ATRX: variants seen among roughly 807,000 people sequenced by gnomAD.
The protein encoded by ATRX is chromatin remodeler ATRX.
In ATRX, 12 loss-of-function variants were observed where a neutral mutation model predicts 172.6. The observed-to-expected ratio is 0.07, with a 90% CI of 0.04 to 0.11. ATRX has a LOEUF of 0.11. Among genes scored for constraint, ATRX ranks in the 10% least tolerant of loss-of-function variants. ATRX has a pLI of 1.00. For synonymous variants in ATRX, 674 were observed against 594.7 expected (o/e 1.13, Z -1.94); for missense variants, 1,368 against 1,767.4 (o/e 0.77, Z 4.05).
At chrX:77,701,609 C>T (rs1275388233) in intron 2 of ATRX, among the ~76,000 whole-genome samples, 1 of 110,742 alleles carries the variant, frequency 9.0e-6, no homozygotes, top group Non-Finnish European at 1.9e-5. Context: ...TACTTAATGG[C>T]GACAGACTGA....
At position 77,786,149 on chromosome X, in the gene ATRX, A is replaced by G. The variant is rs1252611588; in HGVS notation, c.-148T>C. The G allele has an allele frequency of 4.3e-5, 27 of 633,771 alleles. No homozygotes were observed. The highest frequency in any genetic ancestry group is 5.6e-5 in the Non-Finnish European group (24 of 431,578). 52.2% of individuals were successfully genotyped at this position (633,771 alleles called of 1,213,427 possible). A position where few individuals can be genotyped will look rare whatever the true frequency, so the allele number is the denominator to read the frequency against. On this transcript the variant is annotated 5_prime_UTR_variant, in exon 1 of 35. Transcript: ENST00000373344. Reference sequence around the variant, plus strand: ...TCCCCACAGCTCAAAGGCCGCTACCACTGCCACCGCCGCAGGAGCCGCGGA... The same window carrying G: ...TCCCCACAGCTCAAAGGCCGCTACCGCTGCCACCGCCGCAGGAGCCGCGGA...
Position 77,633,583 on chromosome X carries a change from C to G in ATRX, c.4939G>C (p.Asp1647His). 1 of 1,209,120 alleles carries G rather than the reference C, an allele frequency of 8.3e-7. No homozygotes were observed. The highest frequency in any genetic ancestry group is 1.1e-6 in the Non-Finnish European group (1 of 893,943). Reference sequence around the variant, plus strand: ...TAAGTTACCTCAAGCTTCTCATCATCTTTTAATCCCTCTTGCCACTTCTCA... The same window carrying G: ...TAAGTTACCTCAAGCTTCTCATCATGTTTTAATCCCTCTTGCCACTTCTCA... ...EFEKWQEGLK[D>H]DEKLEVSELA... Residue 1647 changes from aspartate (D) to histidine (H), a missense_variant, in exon 18 of 35, where the codon GAT becomes CAT. Asp to His is a moderately conservative substitution (Grantham distance 81). Coordinates refer to ENST00000373344, the MANE Select transcript of ATRX (RefSeq NM_000489.6).
rs782374354 is a variant in ATRX at position 77,667,565 on chromosome X, GGTT to G, written c.3810-2790_3810-2788del. Among the ~76,000 whole-genome samples the G allele has an allele frequency of 3.5e-3, 386 of 110,951 alleles. 3 individuals carry two copies. Among genetic ancestry groups the G allele is most frequent in the African/African-American group, 0.012 (365 of 30,516 alleles). On this transcript the variant is annotated intron_variant, in intron 10 of 34. Coordinates refer to ENST00000373344, the MANE Select transcript of ATRX (RefSeq NM_000489.6). ...AAATTCCTATTAACTATAAAGATTT[GGTT>G]GTTAATTGTAGGAAATCACACAATT...
intron 1 of ATRX, among the ~76,000 whole-genome samples, chrX:77,733,842 C>A (rs2074411811): frequency 9.3e-6 from 1 of 107,554 alleles, no homozygotes; most frequent in Non-Finnish European, 1.9e-5. Flanking sequence ...GGAGATAGCA[C>A]CACTGCACTC....
chrX:77,703,300 A>G (rs1183237796), intron 2 of ATRX, among the ~76,000 whole-genome samples: 6 of 112,772 alleles, frequency 5.3e-5, no homozygotes, highest in African/African-American at 1.9e-4. Context: ...CCTGTGTCCT[A>G]TGATAGCCAA....
chrX:77,652,373 A>C lies in ATRX; in HGVS notation c.4318-20T>G, dbSNP rs1557117496. ...ATTACTCTACAGAATTTAAACAATTAGAGGTAAACAGTACAAAGTCATTTA... is the reference window on the plus strand; with the variant it reads ...ATTACTCTACAGAATTTAAACAATTCGAGGTAAACAGTACAAAGTCATTTA... On this transcript the variant is annotated intron_variant, in intron 14 of 34. Transcript: ENST00000373344. 2 of 1,190,091 alleles carry C rather than the reference A, an allele frequency of 1.7e-6. No homozygotes were observed. Among genetic ancestry groups the C allele is most frequent in the Admixed American group, 4.4e-5 (2 of 45,118 alleles).
intron 1 of ATRX, among the ~76,000 whole-genome samples, chrX:77,765,361 G>C (rs1283483280): frequency 1.8e-5 from 2 of 112,246 alleles, no homozygotes; most frequent in African/African-American, 6.5e-5. Context: ...AGCAATAGAA[G>C]TGTAGCTAAT....
chrX:77,690,533 A>C (rs1557146540), intron 6 of ATRX, among the ~76,000 whole-genome samples: 1 of 111,516 alleles, frequency 9.0e-6, no homozygotes, highest in African/African-American at 3.3e-5. Context: ...GCACAATTAT[A>C]AATCACTGTA....
At chrX:77,742,883 T>C (rs2074931947) in intron 1 of ATRX, among the ~76,000 whole-genome samples, 1 of 111,802 alleles carries the variant, frequency 8.9e-6, no homozygotes, top group African/African-American at 3.3e-5. Context: ...ACATTCTGTG[T>C]CCCATGCCAT....
chrX:77,764,204 T>C (rs149974062), intron 1 of ATRX, among the ~76,000 whole-genome samples: 3,108 of 112,260 alleles, frequency 0.028, 110 homozygotes, highest in African/African-American at 0.096. Flanking sequence ...TTTCAATTTT[T>C]TATATTAAAG....
chrX:77,785,931 C>T (rs1557207516), intron 1 of ATRX, 51 bp downstream of exon 1: 1 of 1,164,315 alleles, frequency 8.6e-7, no homozygotes, highest in East Asian at 3.2e-5. Context: ...CCGACTCAGA[C>T]GGTGCCTGGG....
intron 34 of ATRX, among the ~76,000 whole-genome samples, chrX:77,515,446 T>C (rs1557038756): frequency 9.0e-6 from 1 of 110,744 alleles, no homozygotes; most frequent in Non-Finnish European, 1.9e-5. Context: ...TCCACGTGTG[T>C]AAAGGTGTAT....
intron 1 of ATRX, among the ~76,000 whole-genome samples, chrX:77,744,414 T>C (rs1460551047): frequency 9.0e-6 from 1 of 111,701 alleles, no homozygotes; most frequent in Non-Finnish European, 1.9e-5. Context: ...ACCATGAAAG[T>C]AAATTCAAAG....
At chrX:77,514,532 G>A (rs1164227483) in intron 34 of ATRX, among the ~76,000 whole-genome samples, 1 of 112,044 alleles carries the variant, frequency 8.9e-6, no homozygotes, top group African/African-American at 3.3e-5. Flanking sequence ...AATAAACAGT[G>A]CTGGGGTAAT....
At chrX:77,593,670 T>C in intron 26 of ATRX, 26 bp downstream of exon 26, 4 of 1,175,603 alleles carry the variant, frequency 3.4e-6, no homozygotes, top group Non-Finnish European at 4.6e-6. Context: ...GGTTAATTTA[T>C]ATAATAAATA....
intron 22 of ATRX, among the ~76,000 whole-genome samples, chrX:77,610,112 C>T (rs1337110912): frequency 9.0e-6 from 1 of 111,555 alleles, no homozygotes; most frequent in African/African-American, 3.3e-5. Flanking sequence ...AATATATATA[C>T]CTACTATGTA....
intron 22 of ATRX, among the ~76,000 whole-genome samples, chrX:77,608,450 G>A (rs1364298030): frequency 1.8e-5 from 2 of 109,528 alleles, no homozygotes; most frequent in Non-Finnish European, 3.8e-5. Flanking sequence ...TACAGTGAAC[G>A]CATACTCTAC....
intron 22 of ATRX, among the ~76,000 whole-genome samples, chrX:77,614,569 G>GT (rs1158916337): frequency 9.0e-6 from 1 of 111,522 alleles, no homozygotes; most frequent in African/African-American, 3.3e-5. Context: ...CAAAAAGAGT[G>GT]TTTTTTTAAA....
intron 5 of ATRX, among the ~76,000 whole-genome samples, chrX:77,694,447 G>C (rs1477278370): frequency 1.8e-5 from 2 of 111,022 alleles, no homozygotes; most frequent in Non-Finnish European, 3.8e-5. Flanking sequence ...TATTACTCCT[G>C]TATCTATACT....
Sources: allele counts gnomAD v4.1 joint callset (sites outside exome capture counted in the v4.1 genomes callset), GRCh38; gene constraint gnomAD v4.1.1; transcripts MANE v1.5; gene names NCBI Gene and HGNC (gene_info 2026-07-23, HGNC 2026-07-21).